The following CAPZB variants were observed in gnomAD, a reference collection of about 807,000 sequenced individuals.
CAPZB encodes capping actin protein of muscle Z-line subunit beta.
Under a neutral mutation model 38.1 loss-of-function variants are expected in CAPZB, and 2 were observed. The observed-to-expected ratio is 0.05, with a 90% confidence interval of 0.02 to 0.17. CAPZB has a LOEUF of 0.17. Among genes scored for constraint, CAPZB ranks in the 10% least tolerant of loss-of-function variants. The pLI, the probability that CAPZB is intolerant of heterozygous loss-of-function variation, is 1.00. For missense variants in CAPZB, 161 were observed against 334.2 expected (o/e 0.48, Z 4.04); for synonymous variants, 107 against 127.4 (o/e 0.84, Z 1.08).
intron 8 of CAPZB, 122 bp downstream of exon 8, chr1:19,344,236 G>A (rs992860958): frequency 1.3e-6 from 1 of 740,966 alleles, no homozygotes; most frequent in Non-Finnish European, 2.4e-6. Flanking sequence ...CATCCCAGAA[G>A]AGGGGCACTG....
At chr1:19,388,646 A>AT (rs2094216203) in intron 2 of CAPZB, among the ~76,000 whole-genome samples, 1 of 152,194 alleles carries the variant, frequency 6.6e-6, no homozygotes. Context: ...AAGCCCTGGC[A>AT]TTTTTTATTA....
chr1:19,406,382 C>T (rs72959349), intron 2 of CAPZB, among the ~76,000 whole-genome samples: 7,969 of 152,228 alleles, frequency 0.052, 691 homozygotes, highest in African/African-American at 0.18. Context: ...CCGTCTCCAT[C>T]AGCAGTGCAC....
At chr1:19,466,174 G>A (rs182635411) in intron 1 of CAPZB, among the ~76,000 whole-genome samples, 1 of 152,246 alleles carries the variant, frequency 6.6e-6, no homozygotes, top group African/African-American at 2.4e-5. Context: ...AGACTCAGAG[G>A]TGAATCTGTG....
At chr1:19,484,550 G>T in intron 1 of CAPZB, 1 of 1,286,010 alleles carries the variant, frequency 7.8e-7, no homozygotes, top group Non-Finnish European at 1.0e-6. Context: ...GCTCCTAGGC[G>T]GCCTCCCTAG....
chr1:19,483,010 A>T (rs2094635423), intron 1 of CAPZB, among the ~76,000 whole-genome samples: 1 of 152,214 alleles, frequency 6.6e-6, no homozygotes, highest in African/African-American at 2.4e-5. Context: ...GCCAAAGAGA[A>T]CATTCCAAGT....
Position 19,459,830 on chromosome 1 carries a change from C to T in CAPZB, c.3+25606G>A, listed in dbSNP as rs78397345. On this transcript the variant is annotated intron_variant, in intron 1 of 8. Coordinates refer to ENST00000264202, the MANE Select transcript of CAPZB (RefSeq NM_004930.5). ...CATGATGACATCCTGCTGTACCGCC[C>T]CAGACGTAAATCATCCCTTTATCCA... 7.9e-5 allele frequency among the ~76,000 whole-genome samples: 12 copies of T among 152,306 alleles called. No homozygotes were observed. The East Asian group carries it at 2.3e-3, about 29-fold the overall frequency.
chr1:19,459,906 T>C (rs534710725), intron 1 of CAPZB, among the ~76,000 whole-genome samples: 1 of 152,264 alleles, frequency 6.6e-6, no homozygotes, highest in East Asian at 1.9e-4. Flanking sequence ...GTTGCCTTCT[T>C]AGTGATCACA....
At chr1:19,443,390 T>C (rs1271544574) in intron 1 of CAPZB, among the ~76,000 whole-genome samples, 1 of 152,082 alleles carries the variant, frequency 6.6e-6, no homozygotes, top group African/African-American at 2.4e-5. Flanking sequence ...AGAAAGACCC[T>C]ATCTCAAAAA....
At chr1:19,383,029 A>G (rs2094183520) in intron 3 of CAPZB, among the ~76,000 whole-genome samples, 1 of 150,910 alleles carries the variant, frequency 6.6e-6, no homozygotes, top group South Asian at 2.1e-4. Context: ...CTGTAATCCT[A>G]GCAATTTGGG....
At chr1:19,444,700 A>G (rs2094490464) in intron 1 of CAPZB, among the ~76,000 whole-genome samples, 1 of 152,190 alleles carries the variant, frequency 6.6e-6, no homozygotes, top group Non-Finnish European at 1.5e-5. Flanking sequence ...CTAAAAAGCA[A>G]TTTTGTAAGA....
chr1:19,352,733 C>G (rs2093998486), intron 6 of CAPZB, among the ~76,000 whole-genome samples: 1 of 152,272 alleles, frequency 6.6e-6, no homozygotes, highest in Non-Finnish European at 1.5e-5. Context: ...TGCCAGAATA[C>G]TTTAGCTGTT....
intron 4 of CAPZB, among the ~76,000 whole-genome samples, chr1:19,368,551 G>A (rs890776492): frequency 5.3e-5 from 8 of 151,326 alleles, no homozygotes; most frequent in African/African-American, 1.9e-4. Context: ...GGAACCCGCT[G>A]GGTGACCAGG....
At position 19,484,789 on chromosome 1, in the gene CAPZB, G is replaced by C. The variant is rs1163321405; in HGVS notation, c.3+647C>G. ...GAAAAGTCCAGGGAAGGGGATCATG[G>C]TGGGGAGGGGGCAGTGAGGTCCAGA... is the stretch of plus-strand genomic sequence containing the variant. On this transcript the variant is annotated intron_variant, in intron 1 of 8. Transcript: ENST00000264202. 4 of 842,392 alleles carry C rather than the reference G, an allele frequency of 4.7e-6. No individual in the cohort carries two copies. In the African/African-American group the frequency reaches 7.3e-5, roughly 15 times the overall value. 52.2% of individuals were successfully genotyped at this position (842,392 alleles called of 1,614,324 possible). A position where few individuals can be genotyped will look rare whatever the true frequency, so the allele number is the denominator to read the frequency against.
chr1:19,405,541 C>CAAAAAAAAAAAAAAAAA (rs10577923), intron 2 of CAPZB, among the ~76,000 whole-genome samples: 1 of 96,516 alleles, frequency 1.0e-5, no homozygotes. Context: ...TAGAAAGAGG[C>CAAAAAAAAAAAAAAAAA]AAAAAAAAAA....
Position 19,366,283 on chromosome 1 carries a change from A to AATAAAT in CAPZB, c.330-8721_330-8720insATTTAT, listed in dbSNP as rs71008151. On this transcript the variant is annotated intron_variant, in intron 4 of 8. Transcript: ENST00000264202. ...GCAACATAGTGAGACCGTGTCTTAA[A>AATAAAT]ATATATATATATATATATATATATA... 4.0e-3 allele frequency among the ~76,000 whole-genome samples: 241 copies of AATAAAT among 60,496 alleles called. 3 individuals are homozygous for AATAAAT. Among genetic ancestry groups the AATAAAT allele is most frequent in the Non-Finnish European group, 5.8e-3 (169 of 28,988 alleles). The allele number at this position is 60,496 out of a possible 152,430, so 39.7% of individuals were successfully genotyped here.
intron 1 of CAPZB, among the ~76,000 whole-genome samples, chr1:19,472,635 G>A (rs529218603): frequency 1.4e-4 from 21 of 151,522 alleles, no homozygotes; most frequent in Non-Finnish European, 3.1e-4. Context: ...CCTGACTACC[G>A]ATTAGTAGTT....
intron 1 of CAPZB, among the ~76,000 whole-genome samples, chr1:19,471,681 G>C (rs189162281): frequency 3.5e-4 from 53 of 152,094 alleles, no homozygotes; most frequent in African/African-American, 9.6e-4. Context: ...TGGCTAACAC[G>C]GTGAAACCCC....
At chr1:19,351,778 C>T (rs2093992879) in intron 6 of CAPZB, among the ~76,000 whole-genome samples, 1 of 152,140 alleles carries the variant, frequency 6.6e-6, no homozygotes, top group Non-Finnish European at 1.5e-5. Context: ...AACTGAAGGA[C>T]AAACCACAAT....
At chr1:19,369,862 C>T (rs777753910) in intron 4 of CAPZB, among the ~76,000 whole-genome samples, 10 of 152,188 alleles carry the variant, frequency 6.6e-5, no homozygotes, top group African/African-American at 1.9e-4. Flanking sequence ...GCTCTGAGTC[C>T]GCAGGCCTGG....
Sources: gnomAD v4.1 joint callset for allele counts (sites outside exome capture counted in the v4.1 genomes callset) on GRCh38, gnomAD v4.1.1 for gene constraint, MANE v1.5 for transcripts, NCBI Gene and HGNC (gene_info 2026-07-23, HGNC 2026-07-21) for gene names.